The following PSMD9 variants were observed in gnomAD, a reference collection of about 807,000 sequenced individuals.
PSMD9 encodes the protein proteasome 26S subunit, non-ATPase 9.
PSMD9 carries 26 observed loss-of-function variants against 25.9 expected under a neutral mutation model. The ratio of observed to expected loss-of-function variants is 1.00; its 90% CI spans 0.73 to 1.39. PSMD9 has a LOEUF of 1.39. Ranked by LOEUF, PSMD9 falls within the 40% of genes most tolerant of loss-of-function variation. PSMD9 has a pLI of 0.00. For missense variants in PSMD9, 303 were observed against 299.3 expected (o/e 1.01, Z -0.09); for synonymous variants, 110 against 114.5 (o/e 0.96, Z 0.25).
At chr12:121,890,198 T>A (rs1267558901) in intron 1 of PSMD9, among the ~76,000 whole-genome samples, 1 of 152,156 alleles carries the variant, frequency 6.6e-6, no homozygotes, top group African/African-American at 2.4e-5. Flanking sequence ...ATTACAGGCG[T>A]GAGCCACCGC....
At chr12:121,909,495 A>AT (rs1879655977) in intron 4 of PSMD9, among the ~76,000 whole-genome samples, 1 of 145,522 alleles carries the variant, frequency 6.9e-6, no homozygotes, top group Admixed American at 6.8e-5. Flanking sequence ...TTTTTTTTTC[A>AT]TTTTTTGTAG....
intron 3 of PSMD9, among the ~76,000 whole-genome samples, chr12:121,900,221 AC>A (rs938581606): frequency 1.3e-5 from 2 of 152,178 alleles, no homozygotes; most frequent in Admixed American, 6.6e-5. Context: ...CTTAAAAAAA[AC>A]ATTAGGCTGG....
intron 4 of PSMD9, among the ~76,000 whole-genome samples, chr12:121,904,283 A>G (rs1025434465): frequency 2.7e-5 from 4 of 150,038 alleles, no homozygotes; most frequent in Non-Finnish European, 5.9e-5. Flanking sequence ...TTTTTAATTA[A>G]GAAATTCTTG....
intron 4 of PSMD9, among the ~76,000 whole-genome samples, chr12:121,910,083 CTTTTT>C (rs34940246): frequency 1.0e-5 from 1 of 95,562 alleles, no homozygotes; most frequent in Non-Finnish European, 1.9e-5. Context: ...TAGGAAATGA[CTTTTT>C]TTTTTTTTTT....
At chr12:121,893,407 G>A (rs1302075238) in intron 1 of PSMD9, among the ~76,000 whole-genome samples, 1 of 152,290 alleles carries the variant, frequency 6.6e-6, no homozygotes, top group South Asian at 2.1e-4. Flanking sequence ...CTTGTCCCTG[G>A]ACTGACTAAT....
At chr12:121,904,117 G>T (rs1478918839) in intron 4 of PSMD9, among the ~76,000 whole-genome samples, 1 of 152,070 alleles carries the variant, frequency 6.6e-6, no homozygotes, top group Admixed American at 6.6e-5. Flanking sequence ...AGTTGCCTAT[G>T]CCCCTGCTAG....
chr12:121,900,375 G>A (rs1324880860), intron 3 of PSMD9, among the ~76,000 whole-genome samples: 1 of 152,132 alleles, frequency 6.6e-6, no homozygotes, highest in Non-Finnish European at 1.5e-5. Flanking sequence ...CTGGGTGACA[G>A]AGTGAGACCT....
At chr12:121,894,899 T>A in intron 2 of PSMD9, 58 bp downstream of exon 2, 3 of 1,438,740 alleles carry the variant, frequency 2.1e-6, no homozygotes, top group Non-Finnish European at 2.9e-6. Flanking sequence ...GTTAAAGGCA[T>A]ACAAATAAAA....
At chr12:121,899,881 G>A in intron 3 of PSMD9, 36 bp downstream of exon 3, 1 of 1,611,546 alleles carries the variant, frequency 6.2e-7, no homozygotes, top group Non-Finnish European at 8.5e-7. Flanking sequence ...TCCATGCCCA[G>A]GGGACACGGT....
In PSMD9 at chr12:121,910,019, T is replaced by C. The variant is rs978439943; in HGVS notation, c.556-5837T>C. ...CTGTGAGTGCGTCTGTTTCTAGCTT[T>C]CCCAACTATGTTACAGTCTTTGGCA... On this transcript the variant is annotated intron_variant, in intron 4 of 5. Coordinates refer to ENST00000541212, the MANE Select transcript of PSMD9 (RefSeq NM_002813.7). 9.2e-5 allele frequency among the ~76,000 whole-genome samples: 14 copies of C among 151,422 alleles called. 1 individual carries two copies. The highest frequency in any genetic ancestry group is 7.2e-4 in the Admixed American group (11 of 15,202).
At chr12:121,904,044 C>T (rs551173457) in intron 4 of PSMD9, among the ~76,000 whole-genome samples, 2 of 152,144 alleles carry the variant, frequency 1.3e-5, no homozygotes, top group South Asian at 2.1e-4. Flanking sequence ...CTTAGCTGCA[C>T]GGTTCATCTA....
chr12:121,908,567 G>A (rs1259060762), intron 4 of PSMD9, among the ~76,000 whole-genome samples: 1 of 152,174 alleles, frequency 6.6e-6, no homozygotes, highest in Non-Finnish European at 1.5e-5. Context: ...AGGTACTGGG[G>A]CTGTAACGGG....
rs1265583177 is a variant in PSMD9 at position 121,910,172 on chromosome 12, G to A, written c.556-5684G>A. ...ATGATCTCAGCTCACTGCAGCCTCCGCCTCCCAGGTTCAAGCGATTCTCCT... is the reference window on the plus strand; with the variant it reads ...ATGATCTCAGCTCACTGCAGCCTCCACCTCCCAGGTTCAAGCGATTCTCCT... On this transcript the variant is annotated intron_variant, in intron 4 of 5. Transcript: ENST00000541212. Among the ~76,000 whole-genome samples, 5 of 130,744 alleles carry A rather than the reference G, an allele frequency of 3.8e-5. No homozygotes were observed. In the South Asian group the frequency reaches 7.5e-4, roughly 20 times the overall value. 85.8% of individuals were successfully genotyped at this position (130,744 alleles called of 152,430 possible).
intron 3 of PSMD9, among the ~76,000 whole-genome samples, chr12:121,900,951 C>G (rs1454647260): frequency 1.3e-5 from 2 of 148,426 alleles, no homozygotes; most frequent in Non-Finnish European, 3.0e-5. Context: ...TGCCACTACA[C>G]TCCAGAGCCT....
At chr12:121,906,051 G>A (rs1258635106) in intron 4 of PSMD9, among the ~76,000 whole-genome samples, 1 of 150,300 alleles carries the variant, frequency 6.7e-6, no homozygotes, top group Non-Finnish European at 1.5e-5. Context: ...TCTGTCTGTT[G>A]TGTGGATCTG....
At chr12:121,901,069 A>C (rs1476374581) in intron 3 of PSMD9, among the ~76,000 whole-genome samples, 1 of 150,492 alleles carries the variant, frequency 6.6e-6, no homozygotes, top group Non-Finnish European at 1.5e-5. Flanking sequence ...AAGTGATTCT[A>C]CCACCTTGGC....
chr12:121,911,434 G>A (rs1335001144), intron 4 of PSMD9, among the ~76,000 whole-genome samples: 1 of 152,168 alleles, frequency 6.6e-6, no homozygotes, highest in Non-Finnish European at 1.5e-5. Context: ...ATATTCGACT[G>A]TATGTATACA....
chr12:121,899,986 G>A lies in PSMD9; in HGVS notation c.453+141G>A. ...TACTCATTTAACAAACACTGACTGA[G>A]GCCTGTCGTGTATCCAGCCCTGTGC... On this transcript the variant is annotated intron_variant, in intron 3 of 5. Coordinates refer to ENST00000541212, the MANE Select transcript of PSMD9 (RefSeq NM_002813.7). The A allele has an allele frequency of 1.1e-5, 11 of 983,684 alleles. No homozygotes were observed. The South Asian group carries it at 1.7e-4, about 15-fold the overall frequency. The allele number at this position is 983,684 out of a possible 1,614,324, so 60.9% of individuals were successfully genotyped here.
chr12:121,909,666 C>T lies in PSMD9; in HGVS notation c.556-6190C>T, dbSNP rs114795735. On this transcript the variant is annotated intron_variant, in intron 4 of 5. Transcript: ENST00000541212. ...GATGACACAGAAAAGGCCTAATGTACATGTTACTCTGCATTTCCGCCCACT... is the reference window on the plus strand; with the variant it reads ...GATGACACAGAAAAGGCCTAATGTATATGTTACTCTGCATTTCCGCCCACT... 5.9e-3 allele frequency among the ~76,000 whole-genome samples: 900 copies of T among 152,220 alleles called. 9 individuals are homozygous for T. The highest frequency in any genetic ancestry group is 0.02 in the African/African-American group (839 of 41,542).
Sources: allele counts gnomAD v4.1 joint callset (sites outside exome capture counted in the v4.1 genomes callset), GRCh38; gene constraint gnomAD v4.1.1; transcripts MANE v1.5; gene names NCBI Gene and HGNC (gene_info 2026-07-23, HGNC 2026-07-21).